Variants in DDX10 observed in about 807,000 individuals in gnomAD.
The protein encoded by DDX10 is DEAD-box helicase 10.
In DDX10, 74 loss-of-function variants were observed where a neutral mutation model predicts 104.3. The ratio of observed to expected loss-of-function variants is 0.71; its 90% CI spans 0.59 to 0.86. The LOEUF (loss-of-function observed/expected upper bound fraction) is 0.86. Among genes scored for constraint, DDX10 ranks in the 40% least tolerant of loss-of-function variants. DDX10 has a pLI of 0.00. For synonymous variants in DDX10, 351 were observed against 353.4 expected, an observed-to-expected ratio of 0.99 and a Z score of 0.08; for missense variants, 952 against 1,040.0, an observed-to-expected ratio of 0.92 and a Z score of 1.16.
chr11:108,869,556 C>T (rs1158605616), intron 16 of DDX10, among the ~76,000 whole-genome samples: 2 of 151,878 alleles, frequency 1.3e-5, no homozygotes, highest in East Asian at 3.9e-4. Context: ...AATTTCTTAC[C>T]CTTCTAAAAT....
At chr11:108,707,954 T>C (rs71489913) in intron 10 of DDX10, among the ~76,000 whole-genome samples, 20,889 of 152,184 alleles carry the variant, frequency 0.14, 1,579 homozygotes, top group East Asian at 0.25. Flanking sequence ...TAAACATCCA[T>C]GTGAAGGTTT....
At chr11:108,717,413 G>A (rs1393383907) in intron 11 of DDX10, among the ~76,000 whole-genome samples, 1 of 152,162 alleles carries the variant, frequency 6.6e-6, no homozygotes, top group Non-Finnish European at 1.5e-5. Flanking sequence ...GGGTTCAGGT[G>A]ATTCTCCTGC....
At chr11:108,740,773 T>C (rs1231745124) in intron 13 of DDX10, among the ~76,000 whole-genome samples, 1 of 148,606 alleles carries the variant, frequency 6.7e-6, no homozygotes, top group East Asian at 2.1e-4. Context: ...TTTGGCTATG[T>C]ATGTCTTTTT....
At chr11:108,678,516 A>G in intron 5 of DDX10, 81 bp downstream of exon 5, 3 of 1,293,164 alleles carry the variant, frequency 2.3e-6, no homozygotes, top group Non-Finnish European at 3.1e-6. Context: ...TATGATAGAA[A>G]TTTTATGTTA....
intron 13 of DDX10, among the ~76,000 whole-genome samples, chr11:108,774,759 T>C (rs769813968): frequency 6.6e-6 from 1 of 152,186 alleles, no homozygotes; most frequent in East Asian, 1.9e-4. Context: ...TGGAGAAATA[T>C]AGGCTGTTAA....
Position 108,832,228 on chromosome 11 carries a change from AAGT to A in DDX10, c.1966-6216_1966-6214del, listed in dbSNP as rs770949010. 2.0e-5 allele frequency among the ~76,000 whole-genome samples: 3 copies of A among 152,266 alleles called. No homozygotes were observed. The South Asian group carries it at 6.2e-4, about 32-fold the overall frequency. On this transcript the variant is annotated intron_variant, in intron 13 of 17. Transcript: ENST00000322536. ...AGTCATTTTTTTAAAAATTCTAAAA[AAGT>A]AAAATCTGCACTTTAAGAAGTTAAA...
chr11:108,855,084 CA>C (rs1399865641), intron 16 of DDX10, among the ~76,000 whole-genome samples: 1 of 152,110 alleles, frequency 6.6e-6, no homozygotes, highest in East Asian at 1.9e-4. Context: ...TTTTGGGTAT[CA>C]AAACTTTCTT....
intron 16 of DDX10, among the ~76,000 whole-genome samples, chr11:108,902,746 T>C (rs1432537879): frequency 6.6e-6 from 1 of 152,158 alleles, no homozygotes; most frequent in African/African-American, 2.4e-5. Flanking sequence ...GTTAAGATGC[T>C]ATCTCTTCTT....
chr11:108,917,262 T>G (rs1863763111), intron 16 of DDX10, among the ~76,000 whole-genome samples: 1 of 151,872 alleles, frequency 6.6e-6, no homozygotes, highest in Non-Finnish European at 1.5e-5. Flanking sequence ...GACTTACACT[T>G]TTGTGGTCAT....
At chr11:108,789,310 G>A (rs1010456479) in intron 13 of DDX10, among the ~76,000 whole-genome samples, 9 of 152,072 alleles carry the variant, frequency 5.9e-5, no homozygotes, top group African/African-American at 1.7e-4. Context: ...AGGAGATGTC[G>A]TCACCTATTT....
intron 13 of DDX10, among the ~76,000 whole-genome samples, chr11:108,793,851 C>A (rs905047626): frequency 6.6e-6 from 1 of 150,654 alleles, no homozygotes; most frequent in African/African-American, 2.4e-5. Flanking sequence ...GTCTCTGGTA[C>A]CTATCATTCT....
At position 108,764,597 on chromosome 11, in the gene DDX10, A is replaced by G. The variant is rs532065031; in HGVS notation, c.1965+41135A>G. On this transcript the variant is annotated intron_variant, in intron 13 of 17. Coordinates refer to ENST00000322536, the MANE Select transcript of DDX10 (RefSeq NM_004398.4). Reference sequence around the variant, plus strand: ...GGCAGGAGAATTGCTTGAACCCAGGAGGCAGAGGCTACAGTGAGCTGAGAT... The same window carrying G: ...GGCAGGAGAATTGCTTGAACCCAGGGGGCAGAGGCTACAGTGAGCTGAGAT... Among the ~76,000 whole-genome samples, 9 of 152,304 alleles carry G rather than the reference A, an allele frequency of 5.9e-5. No homozygotes were observed. In the East Asian group the frequency reaches 1.7e-3, roughly 29 times the overall value.
At chr11:108,904,219 G>A (rs571627417) in intron 16 of DDX10, among the ~76,000 whole-genome samples, 1 of 152,194 alleles carries the variant, frequency 6.6e-6, no homozygotes, top group South Asian at 2.1e-4. Flanking sequence ...CAACAGAAGC[G>A]ACTGAGGCCT....
intron 13 of DDX10, among the ~76,000 whole-genome samples, chr11:108,772,866 A>G (rs1382115884): frequency 6.6e-6 from 1 of 152,238 alleles, no homozygotes. Context: ...GTCTTCCACA[A>G]GAATAGTCCC....
chr11:108,726,286 C>G (rs1373166677), intron 13 of DDX10, among the ~76,000 whole-genome samples: 3 of 152,032 alleles, frequency 2.0e-5, no homozygotes, highest in Non-Finnish European at 2.9e-5. Context: ...CCGATGACTT[C>G]ATTGAGGTTG....
chr11:108,688,853 T>G (rs568660099), intron 6 of DDX10, 83 bp from the exon 7 acceptor site: 42 of 1,489,894 alleles, frequency 2.8e-5, no homozygotes, highest in Non-Finnish European at 3.6e-5. Flanking sequence ...GTGCCACTAT[T>G]AAAACTTGTT....
At chr11:108,817,150 C>A (rs1398167047) in intron 13 of DDX10, among the ~76,000 whole-genome samples, 2 of 152,180 alleles carry the variant, frequency 1.3e-5, no homozygotes, top group Non-Finnish European at 2.9e-5. Context: ...TTTCCAAGAA[C>A]TTATCAACAT....
chr11:108,827,416 CAG>C (rs1862410453), intron 13 of DDX10, among the ~76,000 whole-genome samples: 1 of 152,136 alleles, frequency 6.6e-6, no homozygotes, highest in African/African-American at 2.4e-5. Context: ...ATTACAGTAA[CAG>C]AGTTGGGTGG....
chr11:108,728,504 CTTTTTTTTTTTTTTTTT>C (rs71050884), intron 13 of DDX10, among the ~76,000 whole-genome samples: 40 of 121,716 alleles, frequency 3.3e-4, no homozygotes, highest in Admixed American at 4.0e-4. Flanking sequence ...CACATTTGTT[CTTTTTTTTTTTTTTTTT>C]TTTTTTTTTT....
Sources: allele counts gnomAD v4.1 joint callset (sites outside exome capture counted in the v4.1 genomes callset), GRCh38; gene constraint gnomAD v4.1.1; transcripts MANE v1.5; gene names NCBI Gene and HGNC (gene_info 2026-07-23, HGNC 2026-07-21).